The following PTPRD variants were observed in gnomAD, a reference collection of about 807,000 sequenced individuals.
PTPRD encodes protein tyrosine phosphatase receptor type D.
PTPRD carries 34 observed loss-of-function variants against 214.5 expected under a neutral mutation model. That is an observed-to-expected ratio of 0.16 (90% CI 0.12 to 0.21). The LOEUF is 0.21. Ranked by LOEUF, PTPRD falls within the 10% of genes least tolerant of loss-of-function variation. The pLI is 1.00. For synonymous variants in PTPRD, 1,128 were observed against 845.7 expected, an observed-to-expected ratio of 1.33 and a Z score of -5.79; for missense variants, 2,545 against 2,398.7, an observed-to-expected ratio of 1.06 and a Z score of -1.27.
intron 6 of PTPRD, among the ~76,000 whole-genome samples, chr9:9,754,305 C>G (rs1382482452): frequency 6.6e-6 from 1 of 152,004 alleles, no homozygotes; most frequent in Non-Finnish European, 1.5e-5. Context: ...TGAAGAACCT[C>G]CCAGGAAACT....
intron 2 of PTPRD, among the ~76,000 whole-genome samples, chr9:10,527,654 T>G (rs773267412): frequency 1.6e-4 from 25 of 152,082 alleles, no homozygotes; most frequent in Non-Finnish European, 2.9e-4. Flanking sequence ...CCCCTAAAAT[T>G]CAATCAACTT....
At chr9:9,226,479 T>C (rs1160202366) in intron 9 of PTPRD, among the ~76,000 whole-genome samples, 1 of 151,930 alleles carries the variant, frequency 6.6e-6, no homozygotes, top group Non-Finnish European at 1.5e-5. Flanking sequence ...CCAGGGAATT[T>C]AGTGGGTAGT....
At chr9:8,527,317 G>C in intron 16 of PTPRD, 28 bp downstream of exon 16, 1 of 1,602,116 alleles carries the variant, frequency 6.2e-7, no homozygotes, top group Non-Finnish European at 8.5e-7. Context: ...TAGTGGGGTT[G>C]AAGTGCGCTT....
intron 2 of PTPRD, among the ~76,000 whole-genome samples, chr9:10,573,728 T>C (rs1353752299): frequency 6.6e-6 from 1 of 152,024 alleles, no homozygotes; most frequent in Admixed American, 6.6e-5. Context: ...ATCTCAAGTA[T>C]TTTCTGGAAA....
intron 39 of PTPRD, among the ~76,000 whole-genome samples, chr9:8,347,250 A>G (rs556061062): frequency 1.3e-4 from 20 of 152,214 alleles, no homozygotes; most frequent in Non-Finnish European, 2.8e-4. Flanking sequence ...ACCAGCACAT[A>G]TGACTATGCT....
intron 27 of PTPRD, among the ~76,000 whole-genome samples, chr9:8,491,661 A>T (rs2097153353): frequency 1.3e-5 from 2 of 149,488 alleles, no homozygotes; most frequent in African/African-American, 4.9e-5. Context: ...TGGTATTTAA[A>T]AAAAAAAAAA....
At chr9:10,602,946 G>A (rs1377163331) in intron 2 of PTPRD, among the ~76,000 whole-genome samples, 4 of 151,666 alleles carry the variant, frequency 2.6e-5, no homozygotes, top group South Asian at 4.1e-4. Flanking sequence ...CTACCTCCAC[G>A]TTGCTATTCC....
chr9:9,845,055 G>GC (rs2059185354), intron 5 of PTPRD, among the ~76,000 whole-genome samples: 1 of 27,806 alleles, frequency 3.6e-5, no homozygotes, highest in Non-Finnish European at 8.5e-5. Context: ...GCTATATATA[G>GC]AGCAATATAT....
chr9:8,451,931 TC>T, intron 33 of PTPRD: 1 of 488,962 alleles, frequency 2.0e-6, no homozygotes, highest in Non-Finnish European at 4.1e-6. Flanking sequence ...ATCTTCTTTT[TC>T]CCTGTGGCTG....
At chr9:10,348,659 G>A (rs7852334) in intron 2 of PTPRD, among the ~76,000 whole-genome samples, 99,101 of 152,118 alleles carry the variant, frequency 0.65, 34,110 homozygotes, top group African/African-American at 0.87. Flanking sequence ...CATTTGTTAC[G>A]TTATTTCATT....
chr9:9,865,751 G>T (rs1266300843), intron 5 of PTPRD, among the ~76,000 whole-genome samples: 1 of 152,204 alleles, frequency 6.6e-6, no homozygotes, highest in Non-Finnish European at 1.5e-5. Context: ...CCCTTACTAA[G>T]AAATATAAGC....
chr9:8,517,977 C>G lies in PTPRD; in HGVS notation c.1414G>C (p.Ala472Pro), dbSNP rs2097816648. The change falls in exon 21 of 46, where the codon GCT becomes CCT. Residue 472 changes from alanine to proline, a missense_variant. Ala to Pro is a conservative substitution (Grantham distance 27, BLOSUM62 -1). Coordinates refer to ENST00000381196, the MANE Select transcript of PTPRD (RefSeq NM_002839.4). ...CCAATAGTAGTGATTTGGCTGTCAGCTACATTGTGTTTCATCCAGTTGTTG... is the reference window on the plus strand; with the variant it reads ...CCAATAGTAGTGATTTGGCTGTCAGGTACATTGTGTTTCATCCAGTTGTTG... ...HVNNWMKHNV[A>P]DSQITTIGNL... 2 of 1,614,044 alleles carry G rather than the reference C, an allele frequency of 1.2e-6. No homozygotes were observed. The highest frequency in any genetic ancestry group is 2.2e-5 in the South Asian group (2 of 91,090).
chr9:9,714,686 G>A (rs1032644870), intron 7 of PTPRD, among the ~76,000 whole-genome samples: 1 of 152,180 alleles, frequency 6.6e-6, no homozygotes, highest in Non-Finnish European at 1.5e-5. Flanking sequence ...GAGTACTGAA[G>A]AGTGGTGGAG....
chr9:10,545,725 G>C (rs1359611974), intron 2 of PTPRD, among the ~76,000 whole-genome samples: 1 of 152,160 alleles, frequency 6.6e-6, no homozygotes, highest in Non-Finnish European at 1.5e-5. Flanking sequence ...GTCTCTTTCA[G>C]AAGTTTTCTC....
intron 21 of PTPRD, among the ~76,000 whole-genome samples, chr9:8,510,598 T>C (rs1360526761): frequency 6.6e-6 from 1 of 152,158 alleles, no homozygotes; most frequent in Non-Finnish European, 1.5e-5. Context: ...AAGCACTGTA[T>C]GGGGCAAAAT....
chr9:8,979,431 A>C (rs2099293478), intron 11 of PTPRD, among the ~76,000 whole-genome samples: 1 of 152,142 alleles, frequency 6.6e-6, no homozygotes, highest in Non-Finnish European at 1.5e-5. Context: ...AAAGAAAATA[A>C]TCACCAAATG....
At chr9:10,539,851 A>G (rs929441903) in intron 2 of PTPRD, among the ~76,000 whole-genome samples, 1 of 152,086 alleles carries the variant, frequency 6.6e-6, no homozygotes, top group Non-Finnish European at 1.5e-5. Context: ...GGCATCATCA[A>G]TCTTGACATC....
At chr9:9,917,133 C>T (rs1037518470) in intron 5 of PTPRD, among the ~76,000 whole-genome samples, 67 of 149,902 alleles carry the variant, frequency 4.5e-4, no homozygotes, top group African/African-American at 1.6e-3. Context: ...AATAAACAAT[C>T]TAACAATGAA....
Position 9,996,966 on chromosome 9 carries a change from G to C in PTPRD, c.-472+36752C>G, listed in dbSNP as rs1213551952. ...TTTAACAAACCAGGAAGTATGGCCT[G>C]TATACAGGAAAAAGAGCAGTCAGTA... is the stretch of plus-strand genomic sequence containing the variant. On this transcript the variant is annotated intron_variant, in intron 4 of 45. Coordinates refer to ENST00000381196, the MANE Select transcript of PTPRD (RefSeq NM_002839.4). 3.9e-5 allele frequency among the ~76,000 whole-genome samples: 6 copies of C among 152,302 alleles called. No individual in the cohort carries two copies. In the East Asian group the frequency reaches 1.2e-3, roughly 29 times the overall value.
Sources: gnomAD v4.1 joint callset for allele counts (sites outside exome capture counted in the v4.1 genomes callset) on GRCh38, gnomAD v4.1.1 for gene constraint, MANE v1.5 for transcripts, NCBI Gene and HGNC (gene_info 2026-07-23, HGNC 2026-07-21) for gene names.